The following ZFYVE28 variants were observed in gnomAD, a reference collection of about 807,000 sequenced individuals.
The protein encoded by ZFYVE28 is zinc finger FYVE-type containing 28, also known as lateral signaling target protein 2 homolog.
In ZFYVE28, 40 loss-of-function variants were observed where a neutral mutation model predicts 82.1. The observed-to-expected ratio is 0.49, with a 90% CI of 0.38 to 0.63. The LOEUF (loss-of-function observed/expected upper bound fraction) is 0.63, where lower values mean the gene tolerates loss of function less well. Ranked by LOEUF, ZFYVE28 falls within the 30% of genes least tolerant of loss-of-function variation. ZFYVE28 has a pLI of 0.00. For synonymous variants in ZFYVE28, 612 were observed against 546.1 expected, an observed-to-expected ratio of 1.12 and a Z score of -1.68; for missense variants, 1,321 against 1,242.1, an observed-to-expected ratio of 1.06 and a Z score of -0.96.
chr4:2,330,715 G>C (rs1720545228), intron 6 of ZFYVE28: 2 of 1,468,194 alleles, frequency 1.4e-6, no homozygotes, highest in Non-Finnish European at 1.8e-6. Context: ...GGACAGCGTG[G>C]AGGAGGAAAC....
intron 8 of ZFYVE28, among the ~76,000 whole-genome samples, chr4:2,274,840 C>T (rs562275234): frequency 2.9e-5 from 4 of 139,974 alleles, no homozygotes; most frequent in African/African-American, 1.3e-4. Context: ...GCGGCCCCAA[C>T]CCAAGGAACA....
At position 2,408,106 on chromosome 4, in the gene ZFYVE28, C is replaced by T. The variant is rs1270460174; in HGVS notation, c.39+10179G>A. ...GAAGTGGCCTATGGGGCTTTCCTGG[C>T]CCCCTGGCCTCCAGGCCTCAAGGCC... On this transcript the variant is annotated intron_variant, in intron 1 of 12. Coordinates refer to ENST00000290974, the MANE Select transcript of ZFYVE28 (RefSeq NM_020972.3). This position sits in a 1 kb window ranked among gnomAD's most constrained non-coding sequence, Gnocchi z 4.3. Among the ~76,000 whole-genome samples the T allele has an allele frequency of 6.6e-6, 1 of 151,836 alleles. No homozygotes were observed. Among genetic ancestry groups the T allele is most frequent in the Non-Finnish European group, 1.5e-5 (1 of 67,942 alleles).
At chr4:2,389,548 G>A (rs887981962) in intron 1 of ZFYVE28, among the ~76,000 whole-genome samples, 2 of 152,196 alleles carry the variant, frequency 1.3e-5, no homozygotes, top group South Asian at 2.1e-4. Context: ...AAGGCCAGGC[G>A]GCTTCTGATA....
intron 8 of ZFYVE28, among the ~76,000 whole-genome samples, chr4:2,277,165 T>A (rs941509075): frequency 6.6e-6 from 1 of 152,174 alleles, no homozygotes; most frequent in African/African-American, 2.4e-5. Context: ...GTATGTATGT[T>A]ACATATCAAT....
At chr4:2,299,024 T>C (rs1715086812) in intron 8 of ZFYVE28, among the ~76,000 whole-genome samples, 1 of 152,252 alleles carries the variant, frequency 6.6e-6, no homozygotes, top group South Asian at 2.1e-4. Flanking sequence ...GACTTGTTTC[T>C]AGAATTTCTA....
At chr4:2,374,988 G>T (rs1033015894) in intron 1 of ZFYVE28, among the ~76,000 whole-genome samples, 1 of 152,186 alleles carries the variant, frequency 6.6e-6, no homozygotes, top group African/African-American at 2.4e-5. Context: ...AGACCCTGAG[G>T]TTCCAGACAG....
At position 2,316,878 on chromosome 4, in the gene ZFYVE28, G is replaced by C. The variant is rs1330672516; in HGVS notation, c.803+3292C>G. On this transcript the variant is annotated intron_variant, in intron 7 of 12. Transcript: ENST00000290974. ...TGGCTGATTTTTTATATTTTTAGTA[G>C]AGATGGGGTTTCACTGTGTTAGCCA... Among the ~76,000 whole-genome samples, 3 of 152,144 alleles carry C rather than the reference G, an allele frequency of 2.0e-5. No individual in the cohort carries two copies. The East Asian group carries it at 5.8e-4, about 29-fold the overall frequency.
intron 1 of ZFYVE28, among the ~76,000 whole-genome samples, chr4:2,366,123 G>A (rs1440246291): frequency 6.6e-6 from 1 of 152,236 alleles, no homozygotes; most frequent in Non-Finnish European, 1.5e-5. Flanking sequence ...ACCTCTCAAA[G>A]AGACTTCTGG....
In ZFYVE28 at chr4:2,320,327, C is replaced by T. The variant is rs1220117391; in HGVS notation, c.702-56G>A. The T allele has an allele frequency of 1.3e-5, 20 of 1,540,792 alleles. No individual in the cohort carries two copies. Among genetic ancestry groups the T allele is most frequent in the African/African-American group, 2.7e-5 (2 of 73,174 alleles). On this transcript the variant is annotated intron_variant, in intron 6 of 12. Transcript: ENST00000290974. The surrounding 1 kb of genome is among the most constrained non-coding windows in gnomAD (Gnocchi z 5.1). ...AGGCCCTGTGGCCCCCTGGGTGCCG[C>T]GGACGGCCCAACTTAACCACCTGCG...
intron 8 of ZFYVE28, among the ~76,000 whole-genome samples, chr4:2,284,096 C>G (rs1712369340): frequency 1.3e-5 from 2 of 152,204 alleles, no homozygotes; most frequent in Admixed American, 1.3e-4. Context: ...TTTCTTGGAG[C>G]CCCCGCATCC....
rs563909801 is a variant in ZFYVE28, at chr4:2,374,728, C to T, written c.40-20655G>A. Among the ~76,000 whole-genome samples the T allele has an allele frequency of 2.1e-4, 32 of 152,312 alleles. No homozygotes were observed. The South Asian group carries it at 6.4e-3, about 31-fold the overall frequency. ...AATGCCCACATATCTATGAAAGAAA[C>T]CTAAACTTTTAAATTGAACTCATAT... On this transcript the variant is annotated intron_variant, in intron 1 of 12. Coordinates refer to ENST00000290974, the MANE Select transcript of ZFYVE28 (RefSeq NM_020972.3).
At chr4:2,298,355 A>T (rs937450295) in intron 8 of ZFYVE28, among the ~76,000 whole-genome samples, 4 of 152,186 alleles carry the variant, frequency 2.6e-5, no homozygotes, top group Non-Finnish European at 5.9e-5. Context: ...TCCGTTTTGC[A>T]TATGACAAAA....
chr4:2,302,143 G>T (rs200112603), intron 8 of ZFYVE28, among the ~76,000 whole-genome samples: 2 of 152,332 alleles, frequency 1.3e-5, no homozygotes, highest in Middle Eastern at 6.8e-3. Context: ...CGGGGATGGG[G>T]GATACGCGGG....
chr4:2,339,622 C>T lies in ZFYVE28; in HGVS notation c.352G>A (p.Glu118Lys). The change falls in exon 4 of 13, where the codon GAG becomes AAG. Residue 118 changes from glutamate (E) to lysine (K), a missense_variant. By Grantham distance (56) the Glu-to-Lys change is moderately conservative. This residue lies in a region of ZFYVE28 where 343 missense variants were observed against 408.4 expected (regional missense o/e 0.84). Coordinates refer to ENST00000290974, the MANE Select transcript of ZFYVE28 (RefSeq NM_020972.3). This position sits in a 1 kb window ranked among gnomAD's most constrained non-coding sequence, Gnocchi z 5.0. ...LAAGSIIMNR[E>K]LESMAMRPLA... ...GGGCGCATGGCCATGCTCTCCAGCT[C>T]CCGGTTCATGATGATGGAGCCGGCG... The T allele has an allele frequency of 6.2e-7, 1 of 1,609,836 alleles. No homozygotes were observed. The highest frequency in any genetic ancestry group is 1.1e-5 in the South Asian group (1 of 90,376).
At chr4:2,378,885 T>A (rs1728438450) in intron 1 of ZFYVE28, among the ~76,000 whole-genome samples, 1 of 152,216 alleles carries the variant, frequency 6.6e-6, no homozygotes, top group South Asian at 2.1e-4. Flanking sequence ...CAAATCAGAA[T>A]CAAGGTCCAC....
At chr4:2,410,135 A>G (rs960563128) in intron 1 of ZFYVE28, among the ~76,000 whole-genome samples, 1 of 152,100 alleles carries the variant, frequency 6.6e-6, no homozygotes, top group Non-Finnish European at 1.5e-5. Context: ...CATACAATCA[A>G]CCATCTTAGA....
chr4:2,387,095 A>G (rs564948850), intron 1 of ZFYVE28, among the ~76,000 whole-genome samples: 10 of 150,470 alleles, frequency 6.6e-5, no homozygotes, highest in African/African-American at 2.3e-4. Flanking sequence ...TCCCTGGAGG[A>G]GGGGGCTGAG....
intron 6 of ZFYVE28, among the ~76,000 whole-genome samples, chr4:2,323,628 G>A (rs2354042): frequency 0.16 from 24,859 of 150,926 alleles, 2,201 homozygotes; most frequent in African/African-American, 0.19. Flanking sequence ...GTGCCATGCT[G>A]GTGCGCTGCA....
intron 7 of ZFYVE28, among the ~76,000 whole-genome samples, chr4:2,317,895 G>C (rs1718463557): frequency 6.6e-6 from 1 of 152,122 alleles, no homozygotes; most frequent in Admixed American, 6.5e-5. Flanking sequence ...GGCCTCCCAA[G>C]GTGCCTGGAT....
Sources: allele counts gnomAD v4.1 joint callset (sites outside exome capture counted in the v4.1 genomes callset), GRCh38; gene constraint gnomAD v4.1.1; regional missense constraint gnomAD v4.1.1; non-coding constraint Gnocchi (gnomAD v3.1); transcripts MANE v1.5; gene names NCBI Gene and HGNC (gene_info 2026-07-23, HGNC 2026-07-21).